Variants in SBF2 observed in about 807,000 individuals in gnomAD.
The protein encoded by SBF2 is myotubularin-related protein 13.
SBF2 carries 112 observed loss-of-function variants against 225.2 expected under a neutral mutation model. The observed-to-expected ratio is 0.50, with a 90% CI of 0.43 to 0.58. SBF2 has a LOEUF of 0.58. Among genes scored for constraint, SBF2 ranks in the 20% least tolerant of loss-of-function variants. SBF2 has a pLI of 0.00. For synonymous variants in SBF2, 763 were observed against 773.3 expected (o/e 0.99, Z 0.22); for missense variants, 1,996 against 2,206.2 (o/e 0.90, Z 1.91).
intron 2 of SBF2, among the ~76,000 whole-genome samples, chr11:10,167,314 T>G (rs1483088332): frequency 6.6e-6 from 1 of 152,202 alleles, no homozygotes. Context: ...ATTAAAAGTC[T>G]AGTTACAGGC....
intron 2 of SBF2, among the ~76,000 whole-genome samples, chr11:10,133,898 G>T (rs1177376666): frequency 6.6e-6 from 1 of 152,210 alleles, no homozygotes; most frequent in Non-Finnish European, 1.5e-5. Context: ...CTAATATTTG[G>T]TCTTTGACCT....
chr11:10,115,848 C>A (rs1315532340), intron 2 of SBF2, among the ~76,000 whole-genome samples: 1 of 152,172 alleles, frequency 6.6e-6, no homozygotes, highest in East Asian at 1.9e-4. Context: ...AATACTACTA[C>A]AAACACAATT....
intron 3 of SBF2, among the ~76,000 whole-genome samples, chr11:10,034,185 A>G (rs1949357345): frequency 6.6e-6 from 1 of 152,202 alleles, no homozygotes; most frequent in Non-Finnish European, 1.5e-5. Flanking sequence ...GTCAATACAT[A>G]TAATAATCAC....
At chr11:9,962,814 G>A (rs1234854581) in intron 15 of SBF2, among the ~76,000 whole-genome samples, 1 of 152,128 alleles carries the variant, frequency 6.6e-6, no homozygotes, top group African/African-American at 2.4e-5. Flanking sequence ...AGAAGTAGGA[G>A]GGCATGATAT....
chr11:10,298,111 T>C (rs1193011977), upstream of SBF2, among the ~76,000 whole-genome samples: 2 of 152,178 alleles, frequency 1.3e-5, no homozygotes, highest in African/African-American at 4.8e-5. Context: ...ACGAAATAGA[T>C]GGAATGCGGT....
intron 2 of SBF2, among the ~76,000 whole-genome samples, chr11:10,144,794 T>G (rs966740308): frequency 4.5e-4 from 69 of 152,218 alleles, no homozygotes; most frequent in Non-Finnish European, 1.2e-4. Flanking sequence ...AATGAAATAT[T>G]AGGAACCATA....
intron 17 of SBF2, among the ~76,000 whole-genome samples, chr11:9,862,269 G>A (rs1300279339): frequency 6.6e-6 from 1 of 152,202 alleles, no homozygotes; most frequent in Admixed American, 6.5e-5. Flanking sequence ...GTCCCTCAGT[G>A]AGGATGGGCA....
At chr11:10,251,369 C>CCT (rs1960330326) in intron 1 of SBF2, among the ~76,000 whole-genome samples, 1 of 152,176 alleles carries the variant, frequency 6.6e-6, no homozygotes, top group African/African-American at 2.4e-5. Flanking sequence ...ATAGCAGATT[C>CCT]TACTGTAAAG....
chr11:9,820,543 C>G (rs554311099), intron 28 of SBF2, among the ~76,000 whole-genome samples: 34 of 152,304 alleles, frequency 2.2e-4, no homozygotes, highest in African/African-American at 7.9e-4. Flanking sequence ...GTTCCTGATT[C>G]TGAGATACTG....
intron 2 of SBF2, among the ~76,000 whole-genome samples, chr11:10,077,091 T>C (rs1426743542): frequency 6.6e-6 from 1 of 152,146 alleles, no homozygotes; most frequent in Non-Finnish European, 1.5e-5. Flanking sequence ...CCTGCAGAGC[T>C]TATTACATTA....
intron 2 of SBF2, among the ~76,000 whole-genome samples, chr11:10,170,773 T>A (rs540091683): frequency 6.6e-6 from 1 of 152,088 alleles, no homozygotes; most frequent in South Asian, 2.1e-4. Context: ...ATTCTTCCAA[T>A]CCATGAACAT....
intron 17 of SBF2, among the ~76,000 whole-genome samples, chr11:9,877,461 C>T (rs757200683): frequency 4.6e-5 from 7 of 152,016 alleles, no homozygotes; most frequent in Non-Finnish European, 1.0e-4. Flanking sequence ...GTTTGTTACC[C>T]AGGTATACAT....
intron 2 of SBF2, among the ~76,000 whole-genome samples, chr11:10,170,643 C>T (rs551412819): frequency 2.6e-5 from 4 of 151,420 alleles, no homozygotes; most frequent in Admixed American, 6.6e-5. Flanking sequence ...CTTTTTTTGC[C>T]TCCATATAAA....
At chr11:10,167,877 G>C (rs1193786615) in intron 2 of SBF2, among the ~76,000 whole-genome samples, 1 of 152,220 alleles carries the variant, frequency 6.6e-6, no homozygotes, top group Non-Finnish European at 1.5e-5. Flanking sequence ...TATCAGCTGG[G>C]TGTGGTGGCA....
intron 2 of SBF2, among the ~76,000 whole-genome samples, chr11:10,186,432 C>T (rs1356974717): frequency 6.6e-6 from 1 of 152,182 alleles, no homozygotes; most frequent in Non-Finnish European, 1.5e-5. Flanking sequence ...ATTCTGGACA[C>T]TGAGGCAGGA....
intron 2 of SBF2, among the ~76,000 whole-genome samples, chr11:10,068,860 C>G (rs557926856): frequency 6.6e-6 from 1 of 152,214 alleles, no homozygotes; most frequent in Admixed American, 6.5e-5. Context: ...ATTCTTTAAA[C>G]AATTAAAATA....
At chr11:9,967,730 A>G (rs1190836389) in intron 14 of SBF2, among the ~76,000 whole-genome samples, 1 of 152,156 alleles carries the variant, frequency 6.6e-6, no homozygotes, top group African/African-American at 2.4e-5. Context: ...AGCCTGACTA[A>G]CATGGAGAAA....
Position 9,850,056 on chromosome 11 carries a change from T to C in SBF2, c.2773A>G (p.Ile925Val). The change falls in exon 22 of 40, where the codon ATT becomes GTT. Residue 925 changes from isoleucine (I) to valine (V), a missense_variant. Ile to Val is a conservative substitution (Grantham distance 29). Transcript: ENST00000256190. ...EGALFLTTYR[I>V]LFRGTPHDQL... The stretch of plus-strand genomic sequence containing the variant: ...TCATGGGGTGTTCCTCTGAAGAGAA[T>C]TCTGTATGTGGTGAGGAACAAGGCT... 6.2e-7 allele frequency: 1 copy of C among 1,614,086 alleles called. No individual in the cohort carries two copies. The highest frequency in any genetic ancestry group is 8.5e-7 in the Non-Finnish European group (1 of 1,179,970).
intron 1 of SBF2, among the ~76,000 whole-genome samples, chr11:10,199,522 A>C (rs537774913): frequency 9.8e-4 from 149 of 152,298 alleles, no homozygotes; most frequent in African/African-American, 3.2e-3. Context: ...ACAAACAAAC[A>C]AACCCACCCA....
Sources: gnomAD v4.1 joint callset for allele counts (sites outside exome capture counted in the v4.1 genomes callset) on GRCh38, gnomAD v4.1.1 for gene constraint, MANE v1.5 for transcripts, NCBI Gene and HGNC (gene_info 2026-07-23, HGNC 2026-07-21) for gene names.